Variants in LRRC74A observed in about 807,000 individuals in gnomAD.
LRRC74A encodes the protein leucine-rich repeat-containing protein 74A.
A neutral mutation model predicts 57.9 loss-of-function variants in LRRC74A; 44 were observed. The ratio of observed to expected loss-of-function variants is 0.76; its 90% CI spans 0.60 to 0.98. LRRC74A has a LOEUF of 0.98. Among genes scored for constraint, LRRC74A ranks in the 50% least tolerant of loss-of-function variants. LRRC74A has a pLI of 0.00. For missense variants in LRRC74A, 572 were observed against 574.0 expected, an observed-to-expected ratio of 1.00 and a Z score of 0.04; for synonymous variants, 211 against 219.4, an observed-to-expected ratio of 0.96 and a Z score of 0.34.
chr14:76,860,678 C>T lies in LRRC74A; in HGVS notation c.1054-15C>T, dbSNP rs1477117822. 7 of 1,597,028 alleles carry T rather than the reference C, an allele frequency of 4.4e-6. No individual in the cohort carries two copies. The highest frequency in any genetic ancestry group is 6.0e-6 in the Non-Finnish European group (7 of 1,169,746). ...GTGCCCTCATCATCATGGGTCCCCT[C>T]TCTCCCTGTCACAGAACGTGCTGGT... On this transcript the variant is annotated splice_polypyrimidine_tract_variant and intron_variant, in intron 10 of 13. Transcript: ENST00000689127.
chr14:76,836,486 A>G (rs1032236927), intron 4 of LRRC74A, among the ~76,000 whole-genome samples, 172 bp downstream of exon 4: 4 of 152,140 alleles, frequency 2.6e-5, no homozygotes, highest in Non-Finnish European at 2.9e-5. Flanking sequence ...TGTGTTTCCT[A>G]TGGCTGTAGG....
At chr14:76,855,110 C>G (rs367657839) in intron 9 of LRRC74A, among the ~76,000 whole-genome samples, 1 of 152,190 alleles carries the variant, frequency 6.6e-6, no homozygotes, top group Non-Finnish European at 1.5e-5. Context: ...GAAGGGGCTG[C>G]CATCTGAGAG....
intron 7 of LRRC74A, among the ~76,000 whole-genome samples, chr14:76,850,400 T>C (rs1897372563): frequency 6.6e-6 from 1 of 151,488 alleles, no homozygotes; most frequent in South Asian, 2.1e-4. Context: ...ATGAGGGAAT[T>C]GGCAGAGAAG....
At position 76,839,770 on chromosome 14, in the gene LRRC74A, C is replaced by T. The variant is rs543339884; in HGVS notation, c.544+1799C>T. On this transcript the variant is annotated intron_variant, in intron 5 of 13. Coordinates refer to ENST00000689127, the MANE Select transcript of LRRC74A (RefSeq NM_001385106.1). ...TACTTGAATGTTAGAATGTTAGATA[C>T]GGCTTTATTTATGGTACTTTCTCGA... Among the ~76,000 whole-genome samples, 10 of 152,208 alleles carry T rather than the reference C, an allele frequency of 6.6e-5. No homozygotes were observed. In the South Asian group the frequency reaches 1.2e-3, roughly 19 times the overall value.
At chr14:76,829,330 C>T (rs1007986303) in intron 2 of LRRC74A, among the ~76,000 whole-genome samples, 1 of 152,202 alleles carries the variant, frequency 6.6e-6, no homozygotes, top group African/African-American at 2.4e-5. Flanking sequence ...TTATAAACCT[C>T]CCCACCATGG....
chr14:76,832,124 T>C (rs1896015690), intron 3 of LRRC74A, among the ~76,000 whole-genome samples: 1 of 152,158 alleles, frequency 6.6e-6, no homozygotes, highest in South Asian at 2.1e-4. Flanking sequence ...AAATTATCCA[T>C]GGAAAGAATG....
chr14:76,855,757 T>C (rs1375951693), intron 9 of LRRC74A, among the ~76,000 whole-genome samples: 1 of 152,198 alleles, frequency 6.6e-6, no homozygotes, highest in Non-Finnish European at 1.5e-5. Context: ...AGCTGACATA[T>C]ACTAGGGGCT....
intron 6 of LRRC74A, 116 bp downstream of exon 6, chr14:76,844,588 G>C: frequency 9.1e-7 from 1 of 1,101,814 alleles, no homozygotes; most frequent in Non-Finnish European, 1.3e-6. Flanking sequence ...TAGGGACTGG[G>C]GAGTGTTTAG....
chr14:76,857,515 G>T, intron 10 of LRRC74A, 40 bp downstream of exon 10: 1 of 1,422,840 alleles, frequency 7.0e-7, no homozygotes. Flanking sequence ...CTGGGCACAA[G>T]CCAGTGACCC....
intron 9 of LRRC74A, among the ~76,000 whole-genome samples, chr14:76,855,286 C>A (rs1218089696): frequency 6.6e-6 from 1 of 152,122 alleles, no homozygotes; most frequent in African/African-American, 2.4e-5. Flanking sequence ...AGAGACTGAC[C>A]CAGGCTGTGG....
At chr14:76,838,513 A>G (rs187027152) in intron 5 of LRRC74A, among the ~76,000 whole-genome samples, 16 of 152,342 alleles carry the variant, frequency 1.1e-4, no homozygotes, top group African/African-American at 3.8e-4. Flanking sequence ...CATAGAGAAT[A>G]TAAAAGATAA....
At chr14:76,826,818 C>A in intron 1 of LRRC74A, 84 bp downstream of exon 1, 1 of 887,194 alleles carries the variant, frequency 1.1e-6, no homozygotes, top group Non-Finnish European at 1.7e-6. Context: ...ACCCTGAAGC[C>A]CACTTCTTTC....
At chr14:76,848,650 A>C (rs910335260) in intron 7 of LRRC74A, among the ~76,000 whole-genome samples, 1 of 152,270 alleles carries the variant, frequency 6.6e-6, no homozygotes, top group African/African-American at 2.4e-5. Flanking sequence ...AGGTTGGAAC[A>C]GAAAAAGGGG....
rs900008968 is a variant in LRRC74A, at chr14:76,857,169, GATGGATGGATGA to G, written c.958-199_958-188del. On this transcript the variant is annotated intron_variant, in intron 9 of 13. Transcript: ENST00000689127. ...AGTGAGATGGATAAATGGGTGGGTA[GATGGATGGATGA>G]ATGGATGGATGGATGGATGGATGAG... 5.6e-4 allele frequency among the ~76,000 whole-genome samples: 84 copies of G among 149,928 alleles called. 1 individual carries two copies. The highest frequency in any genetic ancestry group is 1.3e-3 in the African/African-American group (51 of 40,116).
chr14:76,866,131 T>G, intron 12 of LRRC74A, 56 bp downstream of exon 12: 1 of 1,307,114 alleles, frequency 7.7e-7, no homozygotes, highest in Non-Finnish European at 1.1e-6. Context: ...TGAGTTTGTG[T>G]GTCAGAGAGA....
intron 7 of LRRC74A, among the ~76,000 whole-genome samples, chr14:76,849,743 C>T (rs911354417): frequency 1.2e-4 from 17 of 147,502 alleles, no homozygotes; most frequent in African/African-American, 4.3e-4. Flanking sequence ...GCAGAGGTTG[C>T]AGTGAGCAGA....
chr14:76,864,081 C>T (rs954469128), intron 11 of LRRC74A, among the ~76,000 whole-genome samples: 4 of 152,354 alleles, frequency 2.6e-5, no homozygotes, highest in Admixed American at 2.6e-4. Context: ...TGTGAAGAAA[C>T]AGCAGTGGGT....
At chr14:76,867,335 A>G (rs771725966) in intron 12 of LRRC74A, 21 bp from the exon 13 acceptor site, 17 of 1,307,374 alleles carry the variant, frequency 1.3e-5, no homozygotes, top group Middle Eastern at 1.8e-4. Flanking sequence ...TTAACTGCAC[A>G]TGTTCCATCC....
intron 7 of LRRC74A, among the ~76,000 whole-genome samples, chr14:76,846,385 G>A (rs1897116538): frequency 6.6e-6 from 1 of 152,174 alleles, no homozygotes; most frequent in Non-Finnish European, 1.5e-5. Flanking sequence ...ATTCTATGAT[G>A]CAGAAATTCC....
Sources: allele counts gnomAD v4.1 joint callset (sites outside exome capture counted in the v4.1 genomes callset), GRCh38; gene constraint gnomAD v4.1.1; transcripts MANE v1.5; gene names NCBI Gene and HGNC (gene_info 2026-07-23, HGNC 2026-07-21).